BRINP1: variants seen among roughly 807,000 people sequenced by gnomAD.
The protein encoded by BRINP1 is BMP/retinoic acid inducible neural specific 1.
BRINP1 carries 17 observed loss-of-function variants against 72.9 expected under a neutral mutation model. The ratio of observed to expected loss-of-function variants is 0.23; its 90% CI spans 0.16 to 0.35. BRINP1 has a LOEUF of 0.35. BRINP1 is among the 10% of genes least tolerant of loss of function. The probability of loss-of-function intolerance (pLI) is 1.00; values close to 1 mark genes in which losing one functional copy is unlikely to be tolerated. For synonymous variants in BRINP1, 418 were observed against 378.5 expected, an observed-to-expected ratio of 1.10 and a Z score of -1.21; for missense variants, 850 against 1,001.6, an observed-to-expected ratio of 0.85 and a Z score of 2.04.
At chr9:119,183,451 A>C (rs1829579222) in intron 7 of BRINP1, among the ~76,000 whole-genome samples, 1 of 152,196 alleles carries the variant, frequency 6.6e-6, no homozygotes, top group African/African-American at 2.4e-5. Flanking sequence ...CAGTGGAAAA[A>C]AATAATTCCC....
intron 3 of BRINP1, among the ~76,000 whole-genome samples, chr9:119,243,621 A>G (rs1473613211): frequency 6.6e-6 from 1 of 152,198 alleles, no homozygotes; most frequent in Non-Finnish European, 1.5e-5. Context: ...TCTTTGAGGA[A>G]TCACCACACT....
rs549926483 is a variant in BRINP1, at chr9:119,369,361, G to T, written c.-356C>A. ...CTCTCCCTCTCTCGCGGGTTCGCTC[G>T]CCTGCGCTCTCCTCCTCCCCGCGCG... On this transcript the variant is annotated 5_prime_UTR_variant, in exon 1 of 8. Transcript: ENST00000265922. 23 of 397,988 alleles carry T rather than the reference G, an allele frequency of 5.8e-5. No homozygotes were observed. Among genetic ancestry groups the T allele is most frequent in the Non-Finnish European group, 9.7e-5 (22 of 225,746 alleles). The allele number at this position is 397,988 out of a possible 1,614,324, so 24.7% of individuals were successfully genotyped here. A position where few individuals can be genotyped will look rare whatever the true frequency, so the allele number is the denominator to read the frequency against.
chr9:119,228,735 T>G (rs1004469557), intron 5 of BRINP1, among the ~76,000 whole-genome samples: 2 of 152,010 alleles, frequency 1.3e-5, no homozygotes, highest in Admixed American at 1.3e-4. Context: ...TCTGCGTGAT[T>G]GCGCGTGTTG....
intron 1 of BRINP1, among the ~76,000 whole-genome samples, chr9:119,325,661 C>T (rs1299579120): frequency 6.6e-6 from 1 of 152,192 alleles, no homozygotes; most frequent in Non-Finnish European, 1.5e-5. Context: ...GGTCGTCTTG[C>T]TTCATGTCTG....
At chr9:119,320,467 T>G (rs1831174482) in intron 1 of BRINP1, among the ~76,000 whole-genome samples, 1 of 152,166 alleles carries the variant, frequency 6.6e-6, no homozygotes, top group African/African-American at 2.4e-5. Flanking sequence ...CTCAAAGAGC[T>G]TATTTTTGGT....
chr9:119,252,026 C>T (rs1830395083), intron 2 of BRINP1, among the ~76,000 whole-genome samples: 1 of 152,134 alleles, frequency 6.6e-6, no homozygotes, highest in African/African-American at 2.4e-5. Flanking sequence ...CCCACTGGCT[C>T]TCTGTTCCCT....
intron 1 of BRINP1, among the ~76,000 whole-genome samples, chr9:119,353,331 C>T (rs1257533395): frequency 6.6e-6 from 1 of 152,162 alleles, no homozygotes; most frequent in Non-Finnish European, 1.5e-5. Flanking sequence ...TATCCTTCTC[C>T]CATCATCCCT....
chr9:119,169,179 C>T (rs984838649), intron 7 of BRINP1, among the ~76,000 whole-genome samples: 5 of 152,340 alleles, frequency 3.3e-5, no homozygotes, highest in South Asian at 2.1e-4. Context: ...GCGTGAGCGA[C>T]GCAGAAGACA....
rs554183068 is a variant in BRINP1 at position 119,274,897 on chromosome 9, G to A, written c.219-25747C>T. On this transcript the variant is annotated intron_variant, in intron 2 of 7. Coordinates refer to ENST00000265922, the MANE Select transcript of BRINP1 (RefSeq NM_014618.3). Reference sequence around the variant, plus strand: ...ATACACATATATGATATATACAATAGAGATATCCAATATATATACTATATA... The same window carrying A: ...ATACACATATATGATATATACAATAAAGATATCCAATATATATACTATATA... 3.3e-5 allele frequency among the ~76,000 whole-genome samples: 5 copies of A among 152,142 alleles called. No individual in the cohort carries two copies. In the East Asian group the frequency reaches 9.7e-4, roughly 29 times the overall value.
chr9:119,339,708 C>G (rs1003837038), intron 1 of BRINP1, among the ~76,000 whole-genome samples: 1 of 152,180 alleles, frequency 6.6e-6, no homozygotes, highest in African/African-American at 2.4e-5. Flanking sequence ...AGGAAACAAG[C>G]TCAGAGAGGT....
chr9:119,179,912 T>G (rs1829533522), intron 7 of BRINP1, among the ~76,000 whole-genome samples: 1 of 152,174 alleles, frequency 6.6e-6, no homozygotes, highest in Non-Finnish European at 1.5e-5. Flanking sequence ...ACCTGACAGG[T>G]CTCCTGGTGA....
At chr9:119,292,595 G>A (rs149501816) in intron 2 of BRINP1, among the ~76,000 whole-genome samples, 2 of 152,110 alleles carry the variant, frequency 1.3e-5, no homozygotes, top group African/African-American at 4.8e-5. Flanking sequence ...GCTTAATTAG[G>A]TTCAGCCTTT....
chr9:119,228,695 AAAG>A (rs1464824087), intron 5 of BRINP1, among the ~76,000 whole-genome samples: 1 of 152,086 alleles, frequency 6.6e-6, no homozygotes, highest in African/African-American at 2.4e-5. Flanking sequence ...GACGAATGGG[AAAG>A]AAGAGGGTGA....
intron 1 of BRINP1, among the ~76,000 whole-genome samples, chr9:119,333,541 T>G (rs915160660): frequency 6.6e-6 from 1 of 152,062 alleles, no homozygotes; most frequent in African/African-American, 2.4e-5. Flanking sequence ...CCCTCCAGAT[T>G]TCATTAAAAA....
At chr9:119,338,873 A>C (rs1196150888) in intron 1 of BRINP1, among the ~76,000 whole-genome samples, 3 of 151,428 alleles carry the variant, frequency 2.0e-5, no homozygotes, top group Non-Finnish European at 4.4e-5. Flanking sequence ...CGACACAGGG[A>C]GACTCCGTCT....
At chr9:119,301,977 G>A (rs908009407) in intron 2 of BRINP1, among the ~76,000 whole-genome samples, 9 of 152,144 alleles carry the variant, frequency 5.9e-5, no homozygotes, top group African/African-American at 1.9e-4. Flanking sequence ...ATGACAACCT[G>A]ATCATGCTCT....
intron 2 of BRINP1, among the ~76,000 whole-genome samples, chr9:119,269,027 C>T (rs1830581220): frequency 6.6e-6 from 1 of 152,176 alleles, no homozygotes; most frequent in African/African-American, 2.4e-5. Context: ...TTGCAGTGGT[C>T]ACATAAATTC....
chr9:119,173,533 A>G (rs1035119945), intron 7 of BRINP1, among the ~76,000 whole-genome samples: 10 of 152,224 alleles, frequency 6.6e-5, no homozygotes, highest in African/African-American at 2.4e-4. Context: ...GGAAGAATCA[A>G]TATCATGAAA....
In BRINP1 at chr9:119,175,515, T is replaced by C. The variant is rs1359039119; in HGVS notation, c.1146-7291A>G. ...TGCACATGTATCCCAAAACTTAGAG[T>C]ATAATAAAAAAAAGGGGGGGTTATT... On this transcript the variant is annotated intron_variant, in intron 7 of 7. Transcript: ENST00000265922. Among the ~76,000 whole-genome samples, 7 of 151,302 alleles carry C rather than the reference T, an allele frequency of 4.6e-5. No homozygotes were observed. In the East Asian group the frequency reaches 1.2e-3, roughly 25 times the overall value.
Sources: allele counts gnomAD v4.1 joint callset (sites outside exome capture counted in the v4.1 genomes callset), GRCh38; gene constraint gnomAD v4.1.1; transcripts MANE v1.5; gene names NCBI Gene and HGNC (gene_info 2026-07-23, HGNC 2026-07-21).